SMIM7: variants seen among roughly 807,000 people sequenced by gnomAD.
SMIM7 encodes the protein small integral membrane protein 7.
In SMIM7, 12 loss-of-function variants were observed where a neutral mutation model predicts 13.3. The observed-to-expected ratio is 0.90, with a 90% CI of 0.58 to 1.46. The LOEUF (loss-of-function observed/expected upper bound fraction) is 1.46, where lower values mean the gene tolerates loss of function less well. Among genes scored for constraint, SMIM7 ranks in the 40% most tolerant of loss-of-function variants. The pLI, the probability that SMIM7 is intolerant of heterozygous loss-of-function variation, is 0.00. For missense variants in SMIM7, 114 were observed against 94.8 expected, an observed-to-expected ratio of 1.20 and a Z score of -0.84; for synonymous variants, 36 against 35.8, an observed-to-expected ratio of 1.01 and a Z score of -0.02.
At chr19:16,635,961 C>T (rs2086358132) in intron 4 of SMIM7, among the ~76,000 whole-genome samples, 1 of 147,434 alleles carries the variant, frequency 6.8e-6, no homozygotes, top group Non-Finnish European at 1.5e-5. Context: ...TAGCAGAGTA[C>T]TTGCCCCTAC....
At chr19:16,651,661 C>A (rs1389380558) in intron 4 of SMIM7, among the ~76,000 whole-genome samples, 2 of 152,138 alleles carry the variant, frequency 1.3e-5, no homozygotes, top group Non-Finnish European at 2.9e-5. Context: ...GAGAAGCACA[C>A]TGACTTCTTC....
intron 3 of SMIM7, 57 bp downstream of exon 3, chr19:16,659,338 A>C (rs1312531910): frequency 6.6e-7 from 1 of 1,518,052 alleles, no homozygotes; most frequent in Non-Finnish European, 9.1e-7. Flanking sequence ...GGGCTTGGCG[A>C]AACAGAACTG....
chr19:16,660,026 AGGGGCG>A, intron 1 of SMIM7, 26 bp from the exon 2 acceptor site: 1 of 1,614,028 alleles, frequency 6.2e-7, no homozygotes, highest in Non-Finnish European at 8.5e-7. Context: ...TACAGTTACT[AGGGGCG>A]CCCCCGCGTC....
chr19:16,633,441 G>C (rs576446662), intron 4 of SMIM7, among the ~76,000 whole-genome samples: 5 of 140,660 alleles, frequency 3.6e-5, no homozygotes, highest in African/African-American at 1.3e-4. Context: ...AGACAACAGA[G>C]TGAGAATCTG....
At chr19:16,640,253 T>C (rs2086395518) in intron 4 of SMIM7, 1 of 152,308 alleles carries the variant, frequency 6.6e-6, no homozygotes, top group East Asian at 1.9e-4. Context: ...ATTTTTGTAT[T>C]TTTAGTAGAG....
At chr19:16,658,201 CCTAA>C (rs2086621618) in intron 3 of SMIM7, among the ~76,000 whole-genome samples, 1 of 152,212 alleles carries the variant, frequency 6.6e-6, no homozygotes, top group Admixed American at 6.5e-5. Flanking sequence ...GCCTCTGTCA[CCTAA>C]CGTCACCTCT....
chr19:16,653,355 G>A (rs1045879629), intron 4 of SMIM7, among the ~76,000 whole-genome samples: 3 of 152,194 alleles, frequency 2.0e-5, no homozygotes, highest in Non-Finnish European at 4.4e-5. Flanking sequence ...GGCCGAGGCA[G>A]GTGGATCACA....
intron 4 of SMIM7, among the ~76,000 whole-genome samples, chr19:16,635,899 A>AAAAAAAAAAATAT (rs1200181092): frequency 9.1e-6 from 1 of 109,600 alleles, no homozygotes; most frequent in African/African-American, 4.3e-5. Flanking sequence ...AAAAAAAAAA[A>AAAAAAAAAAATAT]ATATATATAT....
At chr19:16,653,957 A>G in intron 4 of SMIM7, 78 bp downstream of exon 4, 1 of 1,111,102 alleles carries the variant, frequency 9.0e-7, no homozygotes, top group Non-Finnish European at 1.3e-6. Flanking sequence ...GAAAAGACAG[A>G]GAATGACCAT....
intron 4 of SMIM7, among the ~76,000 whole-genome samples, chr19:16,653,424 A>T (rs888026573): frequency 6.6e-6 from 1 of 152,042 alleles, no homozygotes; most frequent in East Asian, 1.9e-4. Flanking sequence ...CTCTTGTAAA[A>T]ATACAAAAAT....
chr19:16,655,503 A>C (rs1234407597), intron 3 of SMIM7: 1 of 438,150 alleles, frequency 2.3e-6, no homozygotes, highest in Non-Finnish European at 4.6e-6. Flanking sequence ...CAACATGGTG[A>C]AACCACGTCT....
intron 4 of SMIM7, among the ~76,000 whole-genome samples, chr19:16,648,963 T>C (rs1276320869): frequency 6.6e-6 from 1 of 152,136 alleles, no homozygotes; most frequent in Admixed American, 6.6e-5. Flanking sequence ...TGCAGTGAGC[T>C]GAGATTGTGC....
intron 4 of SMIM7, among the ~76,000 whole-genome samples, chr19:16,649,720 C>T (rs183798001): frequency 8.5e-5 from 13 of 152,252 alleles, no homozygotes; most frequent in Admixed American, 7.2e-4. Context: ...AAAATACAAA[C>T]ATTTCAACTG....
At chr19:16,653,237 G>A (rs184343983) in intron 4 of SMIM7, among the ~76,000 whole-genome samples, 21 of 152,266 alleles carry the variant, frequency 1.4e-4, no homozygotes, top group Admixed American at 1.3e-3. Flanking sequence ...GGGGACACAG[G>A]GACAGAGTTT....
intron 4 of SMIM7, among the ~76,000 whole-genome samples, chr19:16,649,008 G>C (rs1478026948): frequency 6.6e-6 from 1 of 152,050 alleles, no homozygotes; most frequent in Non-Finnish European, 1.5e-5. Context: ...GCAACAGAGT[G>C]AGACTCTGTT....
At position 16,659,458 on chromosome 19, in the gene SMIM7, G is replaced by T; in HGVS notation, c.69-11C>A. On this transcript the variant is annotated splice_polypyrimidine_tract_variant and intron_variant, in intron 2 of 4. Coordinates refer to ENST00000487416, the MANE Select transcript of SMIM7 (RefSeq NM_024104.4). ...GTGTCCTTCTTTTTCCTACAAAGAG[G>T]AGCAGACAGTGTCCACTTTCAATGG... is the stretch of plus-strand genomic sequence containing the variant. The T allele has an allele frequency of 3.1e-6, 5 of 1,611,972 alleles. No homozygotes were observed. The highest frequency in any genetic ancestry group is 4.2e-6 in the Non-Finnish European group (5 of 1,179,290).
rs754722201 is a variant in SMIM7, at chr19:16,660,099, G to A, written c.12C>T (p.Asp4=). 8 of 1,614,188 alleles carry A rather than the reference G, an allele frequency of 5.0e-6. No homozygotes were observed. The East Asian group carries it at 1.1e-4, about 22-fold the overall frequency. The change falls in exon 1 of 5, where the codon GAC becomes GAT. Residue 4 remains aspartate, a synonymous_variant. Coordinates refer to ENST00000487416, the MANE Select transcript of SMIM7 (RefSeq NM_024104.4). The part of the protein sequence containing the change: MIG[D]ILLFGTLLMN... ...CCCCTAATTACCCGAACAGCAGGAT[G>A]TCTCCGATCATCGTTACGGCCGAAG... is the stretch of plus-strand genomic sequence containing the variant.
rs752332707 is a variant in SMIM7 at position 16,659,946 on chromosome 19, G to A, written c.68+13C>T. ...CCCCGGATGGAGCCGCAGTCCGGCC[G>A]CGACCTACTCACAGCTTAAAGTTCA... On this transcript the variant is annotated intron_variant, in intron 2 of 4. Transcript: ENST00000487416. The A allele has an allele frequency of 1.9e-6, 3 of 1,605,492 alleles. No homozygotes were observed. Among genetic ancestry groups the A allele is most frequent in the Non-Finnish European group, 2.5e-6 (3 of 1,177,718 alleles).
chr19:16,658,751 C>T (rs1480022362), intron 3 of SMIM7, among the ~76,000 whole-genome samples: 1 of 152,054 alleles, frequency 6.6e-6, no homozygotes, highest in Admixed American at 6.6e-5. Context: ...TCACAGGCAT[C>T]GGAGGACGGG....
Sources: gnomAD v4.1 joint callset for allele counts (sites outside exome capture counted in the v4.1 genomes callset) on GRCh38, gnomAD v4.1.1 for gene constraint, MANE v1.5 for transcripts, NCBI Gene and HGNC (gene_info 2026-07-23, HGNC 2026-07-21) for gene names.